Variants in UTRN observed in about 807,000 individuals in gnomAD.
UTRN encodes dystrophin-related protein 1.
Under a neutral mutation model 463.9 loss-of-function variants are expected in UTRN, and 283 were observed. The ratio of observed to expected loss-of-function variants is 0.61; its 90% confidence interval spans 0.55 to 0.67. The LOEUF is 0.67. Among genes scored for constraint, UTRN ranks in the 30% least tolerant of loss-of-function variants. UTRN has a pLI of 0.00. For missense variants in UTRN, 3,922 were observed against 4,084.3 expected (o/e 0.96, Z 1.08); for synonymous variants, 1,442 against 1,431.5 (o/e 1.01, Z -0.17).
At chr6:144,632,143 T>A (rs1453188231) in intron 51 of UTRN, among the ~76,000 whole-genome samples, 1 of 152,222 alleles carries the variant, frequency 6.6e-6, no homozygotes, top group Non-Finnish European at 1.5e-5. Context: ...GAAAACCCAG[T>A]TTCCTCTTAA....
In UTRN at chr6:144,499,348, C is replaced by T; in HGVS notation, c.4685C>T (p.Ala1562Val). 3 of 1,613,848 alleles carry T rather than the reference C, an allele frequency of 1.9e-6. No homozygotes were observed. The highest frequency in any genetic ancestry group is 2.2e-5 in the East Asian group (1 of 44,876). Residue 1562 changes from alanine (A) to valine (V), a missense_variant, in exon 34 of 75, where the codon GCT becomes GTT. This residue lies in a region of UTRN where 2,349 missense variants were observed against 2,303.8 expected (regional missense o/e 1.02). Transcript: ENST00000367545. ...GCTTCTCTCTCTGAATGGCTTTCTG[C>T]TACTGAAACTGAATTGGTACAGAAG... is the stretch of plus-strand genomic sequence containing the variant. ...EAASLSEWLSATETELVQKST... is the reference protein window; with the variant it reads ...EAASLSEWLSVTETELVQKST...
intron 60 of UTRN, among the ~76,000 whole-genome samples, chr6:144,780,717 G>T (rs1374514044): frequency 1.3e-5 from 2 of 152,178 alleles, no homozygotes; most frequent in Non-Finnish European, 2.9e-5. Context: ...CCCTTGGGCA[G>T]TGTGTGCCTG....
Position 144,835,890 on chromosome 6 carries a change from A to G in UTRN, c.9776A>G (p.Glu3259Gly). 1 of 1,614,148 alleles carries G rather than the reference A, an allele frequency of 6.2e-7. No individual in the cohort carries two copies. Residue 3259 changes from glutamate (E) to glycine (G), a missense_variant, in exon 70 of 75, where the codon GAA becomes GGA. Glu to Gly is a moderately conservative substitution (Grantham distance 98, BLOSUM62 -2). Transcript: ENST00000367545. ...AQILKSVERE[E>G]RGELERIIAD... ...ATCCTGAAGTCAGTAGAGAGGGAAG[A>G]ACGTGGAGAACTGGAGAGGATCATT...
intron 7 of UTRN, among the ~76,000 whole-genome samples, chr6:144,427,517 T>C (rs1785400597): frequency 6.6e-6 from 1 of 152,218 alleles, no homozygotes; most frequent in South Asian, 2.1e-4. Context: ...TCTTCTGTTT[T>C]CTTTTTTGTT....
At chr6:144,418,153 G>A (rs1784508105) in intron 3 of UTRN, among the ~76,000 whole-genome samples, 1 of 151,426 alleles carries the variant, frequency 6.6e-6, no homozygotes, top group Admixed American at 6.6e-5. Flanking sequence ...GAGGCTTCTT[G>A]TTTACAGATG....
intron 55 of UTRN, among the ~76,000 whole-genome samples, chr6:144,751,270 T>C (rs539925287): frequency 6.6e-6 from 1 of 152,302 alleles, no homozygotes; most frequent in South Asian, 2.1e-4. Flanking sequence ...ATGGCATACA[T>C]TTTCCAGAGT....
chr6:144,818,578 C>A (rs1779285621), intron 65 of UTRN, among the ~76,000 whole-genome samples: 1 of 152,164 alleles, frequency 6.6e-6, no homozygotes, highest in Non-Finnish European at 1.5e-5. Flanking sequence ...AAGCTGGAGT[C>A]CATTGCTTAT....
rs1362154147 is a variant in UTRN, at chr6:144,513,785, G to A, written c.4945-124G>A. 3 of 1,055,802 alleles carry A rather than the reference G, an allele frequency of 2.8e-6. No homozygotes were observed. The South Asian group carries it at 5.4e-5, about 19-fold the overall frequency. The allele number at this position is 1,055,802 out of a possible 1,614,324, so 65.4% of individuals were successfully genotyped here. ...TCACTGAAGAAGAGCTCTGCAGGAA[G>A]GTGAAAGCTCTCCTTTAAATTCATG... On this transcript the variant is annotated intron_variant, in intron 35 of 74. Transcript: ENST00000367545.
intron 45 of UTRN, among the ~76,000 whole-genome samples, chr6:144,539,743 C>T (rs75570059): frequency 0.029 from 4,334 of 151,908 alleles, 210 homozygotes; most frequent in African/African-American, 0.09. Context: ...AAATGAAGAC[C>T]TTAAAATAGC....
chr6:144,625,113 G>A (rs534086366), intron 51 of UTRN, among the ~76,000 whole-genome samples: 8 of 152,276 alleles, frequency 5.3e-5, no homozygotes, highest in Non-Finnish European at 1.2e-4. Context: ...CCCTAATGAA[G>A]TACTTTCATT....
chr6:144,352,359 T>C (rs1385779883), intron 2 of UTRN, among the ~76,000 whole-genome samples: 1 of 152,234 alleles, frequency 6.6e-6, no homozygotes, highest in Non-Finnish European at 1.5e-5. Context: ...TATTATATTT[T>C]ACCTTTGCCC....
At chr6:144,464,874 A>G (rs1276895896) in intron 23 of UTRN, among the ~76,000 whole-genome samples, 1 of 152,198 alleles carries the variant, frequency 6.6e-6, no homozygotes. Context: ...CAAAATGAGC[A>G]TTGGCCTTTT....
chr6:144,563,829 A>G (rs1800148067), intron 50 of UTRN, among the ~76,000 whole-genome samples: 1 of 152,170 alleles, frequency 6.6e-6, no homozygotes, highest in South Asian at 2.1e-4. Context: ...TTTTTTTAAA[A>G]AACAATTGCC....
In UTRN at chr6:144,291,924, C is replaced by T; in HGVS notation, c.79+17C>T. On this transcript the variant is annotated intron_variant, in intron 2 of 74. Transcript: ENST00000367545. ...CCAGATCTGGTAGGTAAAGGAAGCT[C>T]AAGAAAGCTATGGATTTTTATGTAT... The T allele has an allele frequency of 6.3e-7, 1 of 1,598,782 alleles. No homozygotes were observed.
chr6:144,380,713 G>A (rs1044238340), intron 2 of UTRN, among the ~76,000 whole-genome samples: 15 of 152,304 alleles, frequency 9.8e-5, no homozygotes, highest in African/African-American at 3.4e-4. Context: ...CACTCAGGAG[G>A]CTGAGGTGGG....
intron 58 of UTRN, among the ~76,000 whole-genome samples, chr6:144,765,927 CTT>C (rs1793269995): frequency 1.3e-5 from 2 of 151,770 alleles, no homozygotes; most frequent in Non-Finnish European, 2.9e-5. Flanking sequence ...CTTCTTTTCT[CTT>C]AAGTTAATTT....
intron 42 of UTRN, among the ~76,000 whole-genome samples, chr6:144,532,348 C>T (rs538980955): frequency 6.6e-6 from 1 of 152,268 alleles, no homozygotes; most frequent in Admixed American, 6.5e-5. Context: ...ACTCATAGTT[C>T]AGCATGGCTG....
intron 1 of UTRN, among the ~76,000 whole-genome samples, chr6:144,290,931 AT>A (rs552232592): frequency 2.0e-3 from 280 of 140,166 alleles, no homozygotes; most frequent in Middle Eastern, 3.7e-3. Context: ...TGCCTGGCTA[AT>A]TTTTTTTTTT....
chr6:144,373,522 A>G (rs903666941), intron 2 of UTRN, among the ~76,000 whole-genome samples: 1 of 152,236 alleles, frequency 6.6e-6, no homozygotes, highest in African/African-American at 2.4e-5. Context: ...AGAGGCTGGC[A>G]GGGAATGGGG....
Sources: gnomAD v4.1 joint callset for allele counts (sites outside exome capture counted in the v4.1 genomes callset) on GRCh38, gnomAD v4.1.1 for gene constraint, gnomAD v4.1.1 regional missense constraint, MANE v1.5 for transcripts, NCBI Gene and HGNC (gene_info 2026-07-23, HGNC 2026-07-21) for gene names.